The following DHRS4L2 variants were observed in gnomAD, a reference collection of about 807,000 sequenced individuals.
DHRS4L2 encodes the protein dehydrogenase/reductase 4 like 2.
Under a neutral mutation model 23.9 loss-of-function variants are expected in DHRS4L2, and 22 were observed. That is an observed-to-expected ratio of 0.92 (90% CI 0.66 to 1.31). The LOEUF (loss-of-function observed/expected upper bound fraction) is 1.31, where lower values mean the gene tolerates loss of function less well. Ranked by LOEUF, DHRS4L2 falls within the 40% of genes most tolerant of loss-of-function variation. The pLI is 0.00. For synonymous variants in DHRS4L2, 141 were observed against 123.7 expected, an observed-to-expected ratio of 1.14 and a Z score of -0.93; for missense variants, 385 against 303.3, an observed-to-expected ratio of 1.27 and a Z score of -2.00.
upstream of DHRS4L2, chr14:23,988,884 C>T: frequency 6.3e-7 from 1 of 1,583,822 alleles, no homozygotes; most frequent in Non-Finnish European, 8.6e-7. Context: ...CTTCGTCCTG[C>T]CCCTTCGCCC....
exon 1 of DHRS4L2, chr14:23,970,316 G>A: frequency 2.3e-6 from 1 of 437,070 alleles, no homozygotes. Context: ...TCCTCCGCTG[G>A]AGCTGGAGCT....
At chr14:23,993,497 G>A (rs1328861150) in intron 2 of DHRS4L2, among the ~76,000 whole-genome samples, 1 of 151,396 alleles carries the variant, frequency 6.6e-6, no homozygotes, top group African/African-American at 2.4e-5. Context: ...GTTGACCAAG[G>A]GCCCACATAC....
At chr14:23,970,837 G>T (rs1301674429) in intron 1 of DHRS4L2, among the ~76,000 whole-genome samples, 2 of 152,008 alleles carry the variant, frequency 1.3e-5, no homozygotes, top group Non-Finnish European at 2.9e-5. Flanking sequence ...AGAAAATAAG[G>T]TCTGGAATGG....
At position 24,006,104 on chromosome 14, in the gene DHRS4L2, C is replaced by G. The variant is rs1260101416; in HGVS notation, c.*241C>G. On this transcript the variant is annotated 3_prime_UTR_variant, in exon 8 of 8. Transcript: ENST00000335125. Reference sequence around the variant, plus strand: ...CACCTCTGCTCACCTTACTGTTCACCTCATCAAATCAGTTCTGCCCTGTGA... The same window carrying G: ...CACCTCTGCTCACCTTACTGTTCACGTCATCAAATCAGTTCTGCCCTGTGA... The G allele has an allele frequency of 3.6e-6, 5 of 1,403,542 alleles. No individual in the cohort carries two copies. Among genetic ancestry groups the G allele is most frequent in the East Asian group, 5.1e-5 (2 of 39,570 alleles). 86.9% of individuals were successfully genotyped at this position (1,403,542 alleles called of 1,614,324 possible).
chr14:24,001,136 T>C, intron 5 of DHRS4L2, 52 bp downstream of exon 5: 1 of 1,609,502 alleles, frequency 6.2e-7, no homozygotes, highest in Non-Finnish European at 8.5e-7. Flanking sequence ...TCCACATCTT[T>C]CCACCCCTCC....
chr14:23,971,629 C>G lies in DHRS4L2; in HGVS notation c.-176+1297C>G, dbSNP rs1354839768. Among the ~76,000 whole-genome samples the G allele has an allele frequency of 2.0e-5, 3 of 152,000 alleles. No homozygotes were observed. The East Asian group carries it at 5.8e-4, about 29-fold the overall frequency. On this transcript the variant is annotated intron_variant, in intron 1 of 5. Coordinates refer to the DHRS4L2 transcript ENST00000534993. ...AGCCCATCAGACTAACAGCAGATCT[C>G]TCAGCAGAAACCATACAAACCAGAA...
intron 2 of DHRS4L2, among the ~76,000 whole-genome samples, chr14:23,991,876 C>T (rs2034277316): frequency 6.6e-6 from 1 of 151,224 alleles, no homozygotes; most frequent in Non-Finnish European, 1.5e-5. Context: ...GCTAGGATTA[C>T]AGGCATCCAC....
chr14:24,001,076 C>A lies in DHRS4L2; in HGVS notation c.523C>A (p.Pro175Thr), dbSNP rs367972568. Residue 175 changes from proline to threonine, a missense_variant, in exon 5 of 8, where the codon CCA becomes ACA. Physicochemically the swap from Pro to Thr is conservative, Grantham distance 38. Transcript: ENST00000335125. ...CGTGTCTTCCATAGCAGCCTTCAGT[C>A]CATCTCCTGTAAGAACCCTTTTGTC... ...VIVSSIAAFS[P>T]SPGFSPYNVS... The A allele has an allele frequency of 1.2e-5, 19 of 1,610,964 alleles. 1 individual carries two copies. The highest frequency in any genetic ancestry group is 1.6e-5 in the Non-Finnish European group (19 of 1,179,410).
chr14:24,001,501 C>A lies in DHRS4L2; in HGVS notation c.649C>A (p.Leu217Ile), dbSNP rs752155342. 1.2e-6 allele frequency: 2 copies of A among 1,602,862 alleles called. No individual in the cohort carries two copies. The highest frequency in any genetic ancestry group is 2.9e-5 in the African/African-American group (2 of 69,670). Residue 217 changes from leucine to isoleucine, a missense_variant, in exon 6 of 8, where the codon CTA becomes ATA. Physicochemically the swap from Leu to Ile is conservative, Grantham distance 5 (BLOSUM62 2). Transcript: ENST00000335125. Reference protein sequence around the residue: ...VNCLHLDLSRLASAGCSGWTR... With the variant: ...VNCLHLDLSRIASAGCSGWTR... ...CTGCCTGCACCTGGACTTATCAAGA[C>A]TAGCTTCAGCAGGATGGTGAGGAAG...
chr14:23,985,741 C>T (rs758796514), upstream of DHRS4L2, among the ~76,000 whole-genome samples: 10 of 151,342 alleles, frequency 6.6e-5, no homozygotes, highest in Admixed American at 1.3e-4. Flanking sequence ...GAGATGGAGT[C>T]GCTCCTTCTG....
At chr14:23,983,802 G>A (rs1414474353) in intron 1 of DHRS4L2, among the ~76,000 whole-genome samples, 2 of 151,474 alleles carry the variant, frequency 1.3e-5, no homozygotes, top group Non-Finnish European at 2.9e-5. Context: ...AACACCACAT[G>A]TTCTCACTCA....
rs532573301 is a variant in DHRS4L2, at chr14:23,973,658, C to A, written c.-176+3326C>A. On this transcript the variant is annotated intron_variant, in intron 1 of 5. Transcript: ENST00000534993. Reference sequence around the variant, plus strand: ...AAAGATGAAAGGAGACAAAGAAGGCCATCACATAATGGTAAGGGGATCAGT... The same window carrying A: ...AAAGATGAAAGGAGACAAAGAAGGCAATCACATAATGGTAAGGGGATCAGT... Among the ~76,000 whole-genome samples, 5 of 151,934 alleles carry A rather than the reference C, an allele frequency of 3.3e-5. No individual in the cohort carries two copies. The South Asian group carries it at 1.0e-3, about 32-fold the overall frequency.
At chr14:24,005,496 T>C (rs1303016618) in intron 7 of DHRS4L2, among the ~76,000 whole-genome samples, 3 of 152,082 alleles carry the variant, frequency 2.0e-5, no homozygotes, top group Non-Finnish European at 4.4e-5. Flanking sequence ...ATGGAATCAT[T>C]TTAAACACAC....
At position 23,988,937 on chromosome 14, in the gene DHRS4L2, T is replaced by G. The variant is rs1417406894; in HGVS notation, c.-11T>G. 1 of 1,611,476 alleles carries G rather than the reference T, an allele frequency of 6.2e-7. No homozygotes were observed. The highest frequency in any genetic ancestry group is 8.5e-7 in the Non-Finnish European group (1 of 1,178,810). On this transcript the variant is annotated 5_prime_UTR_variant, in exon 1 of 8. Coordinates refer to ENST00000335125, the MANE Select transcript of DHRS4L2 (RefSeq NM_198083.4). ...TGGAAGGAGTGGAACCCAGACTTGCTGGTCTGATCCATGCAGATGGCCAGG... is the reference window on the plus strand; with the variant it reads ...TGGAAGGAGTGGAACCCAGACTTGCGGGTCTGATCCATGCAGATGGCCAGG...
At chr14:23,976,274 C>T (rs2033962057) in intron 1 of DHRS4L2, among the ~76,000 whole-genome samples, 2 of 151,338 alleles carry the variant, frequency 1.3e-5, no homozygotes, top group Non-Finnish European at 2.9e-5. Flanking sequence ...AAAAAATAAC[C>T]CCATCAAAAA....
At chr14:23,988,029 A>C (rs1184238030), upstream of DHRS4L2, among the ~76,000 whole-genome samples, 1 of 151,700 alleles carries the variant, frequency 6.6e-6, no homozygotes, top group Admixed American at 6.6e-5. Context: ...CCATACCCTC[A>C]GTAATTTACA....
intron 1 of DHRS4L2, among the ~76,000 whole-genome samples, chr14:23,972,975 T>C (rs1164898609): frequency 6.6e-6 from 1 of 151,964 alleles, no homozygotes; most frequent in Non-Finnish European, 1.5e-5. Flanking sequence ...TGCAAACATG[T>C]CTCGCCTCCC....
intron 1 of DHRS4L2, among the ~76,000 whole-genome samples, chr14:23,975,656 C>T (rs572692161): frequency 9.9e-5 from 15 of 151,732 alleles, no homozygotes; most frequent in African/African-American, 2.7e-4. Context: ...AAGCTGGAGG[C>T]GTCACACTAC....
At chr14:23,974,368 A>T (rs1012507091) in intron 1 of DHRS4L2, among the ~76,000 whole-genome samples, 1 of 151,754 alleles carries the variant, frequency 6.6e-6, no homozygotes, top group Non-Finnish European at 1.5e-5. Context: ...CAAATTCAAA[A>T]GCTAGCAGAA....
Sources: gnomAD v4.1 joint callset for allele counts (sites outside exome capture counted in the v4.1 genomes callset) on GRCh38, gnomAD v4.1.1 for gene constraint, MANE v1.5 for transcripts, NCBI Gene and HGNC (gene_info 2026-07-23, HGNC 2026-07-21) for gene names.